SHISAL1: variants seen among roughly 807,000 people sequenced by gnomAD.
SHISAL1 encodes protein shisa-like-1.
Under a neutral mutation model 22.6 loss-of-function variants are expected in SHISAL1, and 9 were observed. That is an observed-to-expected ratio of 0.40 (90% CI 0.24 to 0.70). The LOEUF is 0.70. SHISAL1 is among the 30% of genes least tolerant of loss of function. SHISAL1 has a pLI of 0.39. For missense variants in SHISAL1, 246 were observed against 270.6 expected (o/e 0.91, Z 0.64); for synonymous variants, 119 against 115.4 (o/e 1.03, Z -0.20).
chr22:44,255,527 C>T (rs1026066067), intron 4 of SHISAL1, among the ~76,000 whole-genome samples: 8 of 152,160 alleles, frequency 5.3e-5, no homozygotes, highest in Non-Finnish European at 1.0e-4. Flanking sequence ...CCCGTTGGAC[C>T]TTCCTTCAGA....
intron 3 of SHISAL1, among the ~76,000 whole-genome samples, chr22:44,287,810 G>A (rs2055326767): frequency 6.6e-6 from 1 of 152,122 alleles, no homozygotes; most frequent in South Asian, 2.1e-4. Flanking sequence ...AGTCAGGCCT[G>A]GCTCCAGTTC....
chr22:44,254,729 T>C (rs539919832), intron 4 of SHISAL1, among the ~76,000 whole-genome samples: 2 of 151,750 alleles, frequency 1.3e-5, no homozygotes, highest in South Asian at 4.2e-4. Context: ...AAGCAGGAGA[T>C]ATAATATGTA....
chr22:44,317,176 A>G (rs2055563181), upstream of SHISAL1, among the ~76,000 whole-genome samples: 1 of 151,862 alleles, frequency 6.6e-6, no homozygotes, highest in Non-Finnish European at 1.5e-5. Context: ...CCTCCCACCC[A>G]CACTCTGTGT....
intron 2 of SHISAL1, among the ~76,000 whole-genome samples, chr22:44,300,392 T>A (rs1204805431): frequency 6.6e-6 from 1 of 152,178 alleles, no homozygotes; most frequent in East Asian, 1.9e-4. Flanking sequence ...TTTGTGCTCA[T>A]CCTTGTAACT....
intron 4 of SHISAL1, among the ~76,000 whole-genome samples, chr22:44,254,302 G>C (rs1407015371): frequency 6.6e-6 from 1 of 151,810 alleles, no homozygotes; most frequent in East Asian, 1.9e-4. Context: ...AACAGAAATG[G>C]AGTTAACAGC....
At chr22:44,263,862 G>C (rs2055143684) in intron 4 of SHISAL1, among the ~76,000 whole-genome samples, 1 of 152,230 alleles carries the variant, frequency 6.6e-6, no homozygotes, top group African/African-American at 2.4e-5. Context: ...CTCTGGATCT[G>C]TACAAGACTA....
At chr22:44,293,210 TGACAGGA>T (rs1326626687) in intron 3 of SHISAL1, among the ~76,000 whole-genome samples, 5 of 152,106 alleles carry the variant, frequency 3.3e-5, no homozygotes, top group Admixed American at 1.3e-4. Flanking sequence ...GGAGCACCTA[TGACAGGA>T]GAAGCCTGGG....
chr22:44,259,447 T>C (rs562371640), intron 4 of SHISAL1, among the ~76,000 whole-genome samples: 1 of 133,302 alleles, frequency 7.5e-6, no homozygotes, highest in East Asian at 2.1e-4. Context: ...AAAAATAGAA[T>C]AGAATAAAAA....
At chr22:44,279,709 T>G (rs2055263359) in intron 4 of SHISAL1, among the ~76,000 whole-genome samples, 1 of 152,208 alleles carries the variant, frequency 6.6e-6, no homozygotes, top group Non-Finnish European at 1.5e-5. Flanking sequence ...CCGCCCCTGC[T>G]GGGCTCCTGT....
intron 2 of SHISAL1, among the ~76,000 whole-genome samples, chr22:44,297,107 C>T (rs987264125): frequency 6.6e-6 from 1 of 152,196 alleles, no homozygotes; most frequent in African/African-American, 2.4e-5. Context: ...TCCTGGAGGG[C>T]AGGGCTGGCT....
At chr22:44,330,359 G>A in the SHISAL1 span, among the ~76,000 whole-genome samples, 2 of 152,238 alleles carry the variant, frequency 1.3e-5, no homozygotes, top group Non-Finnish European at 1.5e-5. Context: ...CCTGTGTGGG[G>A]CACTTCGTGT....
Position 44,280,650 on chromosome 22 carries a change from C to T in SHISAL1, c.599+4778G>A, listed in dbSNP as rs1372547063. 2.0e-5 allele frequency among the ~76,000 whole-genome samples: 3 copies of T among 152,206 alleles called. No individual in the cohort carries two copies. The East Asian group carries it at 5.8e-4, about 29-fold the overall frequency. On this transcript the variant is annotated intron_variant, in intron 4 of 4. Transcript: ENST00000381176. ...GAGCAGGCTAGGAGGCAGCCGAGGCCCTCTCTCAGAGATGGGAATGTGGAT... is the reference window on the plus strand; with the variant it reads ...GAGCAGGCTAGGAGGCAGCCGAGGCTCTCTCTCAGAGATGGGAATGTGGAT...
rs2054980610 is a variant in SHISAL1, at chr22:44,244,406, G to A, written c.*5279C>T. The A allele has an allele frequency of 6.6e-6, 1 of 152,202 alleles. No homozygotes were observed. The highest frequency in any genetic ancestry group is 2.4e-5 in the African/African-American group (1 of 41,436). The allele number at this position is 152,202 out of a possible 1,614,324, so 9.4% of individuals were successfully genotyped here. A position where few individuals can be genotyped will look rare whatever the true frequency, so the allele number is the denominator to read the frequency against. ...TTTATGGGACAGTGTCGTGAATGGTGCCTCCTGGAGGTGAACCCTGCAGCA... is the reference window on the plus strand; with the variant it reads ...TTTATGGGACAGTGTCGTGAATGGTACCTCCTGGAGGTGAACCCTGCAGCA... On this transcript the variant is annotated 3_prime_UTR_variant, in exon 5 of 5. Transcript: ENST00000381176.
chr22:44,276,575 GGATTCTGGCT>G (rs2055241117), intron 4 of SHISAL1, among the ~76,000 whole-genome samples: 1 of 152,052 alleles, frequency 6.6e-6, no homozygotes, highest in Non-Finnish European at 1.5e-5. Flanking sequence ...GGTATGGGGT[GGATTCTGGCT>G]TCATTTTCAA....
intron 4 of SHISAL1, among the ~76,000 whole-genome samples, chr22:44,275,116 G>A (rs1418184948): frequency 6.6e-6 from 1 of 152,214 alleles, no homozygotes; most frequent in East Asian, 1.9e-4. Flanking sequence ...AACTAAGCGT[G>A]GGTGTTGCGT....
At chr22:44,288,124 C>T (rs1233386327) in intron 3 of SHISAL1, among the ~76,000 whole-genome samples, 1 of 152,248 alleles carries the variant, frequency 6.6e-6, no homozygotes, top group Non-Finnish European at 1.5e-5. Context: ...CCATTTAATG[C>T]TCACGCAACC....
chr22:44,252,186 A>G (rs1486314739), intron 4 of SHISAL1, among the ~76,000 whole-genome samples: 1 of 152,192 alleles, frequency 6.6e-6, no homozygotes, highest in African/African-American at 2.4e-5. Flanking sequence ...ATATAAGTAA[A>G]CTATGACATA....
chr22:44,306,679 G>GGC (rs1334825447), intron 1 of SHISAL1, among the ~76,000 whole-genome samples: 1 of 133,196 alleles, frequency 7.5e-6, no homozygotes, highest in African/African-American at 2.8e-5. Context: ...TGATGACGAT[G>GGC]GTGTGTGTGG....
chr22:44,266,448 G>A (rs989655864), intron 4 of SHISAL1, among the ~76,000 whole-genome samples: 1 of 142,118 alleles, frequency 7.0e-6, no homozygotes, highest in African/African-American at 2.8e-5. Context: ...GGGGTTGTGT[G>A]TGTGGGGCTG....
Sources: allele counts gnomAD v4.1 joint callset (sites outside exome capture counted in the v4.1 genomes callset), GRCh38; gene constraint gnomAD v4.1.1; transcripts MANE v1.5; gene names NCBI Gene and HGNC (gene_info 2026-07-23, HGNC 2026-07-21).